Variants in POLA1 observed in about 807,000 individuals in gnomAD.
The protein encoded by POLA1 is DNA polymerase alpha catalytic subunit.
Under a neutral mutation model 124.0 loss-of-function variants are expected in POLA1, and 15 were observed. The ratio of observed to expected loss-of-function variants is 0.12; its 90% confidence interval spans 0.08 to 0.19. The LOEUF is 0.19. Ranked by LOEUF, POLA1 falls within the 10% of genes least tolerant of loss-of-function variation. The pLI, the probability that POLA1 is intolerant of heterozygous loss-of-function variation, is 1.00. For missense variants in POLA1, 886 were observed against 1,103.4 expected (o/e 0.80, Z 2.79); for synonymous variants, 408 against 389.4 (o/e 1.05, Z -0.56).
intron 34 of POLA1, among the ~76,000 whole-genome samples, chrX:24,856,641 G>A (rs961400373): frequency 1.8e-5 from 2 of 111,214 alleles, no homozygotes; most frequent in Non-Finnish European, 3.8e-5. Flanking sequence ...TTTACTGGGC[G>A]TGCTCACTGG....
At chrX:24,882,464 G>C (rs1321131908) in intron 34 of POLA1, among the ~76,000 whole-genome samples, 1 of 110,870 alleles carries the variant, frequency 9.0e-6, no homozygotes, top group East Asian at 2.8e-4. Context: ...TAGTTTTTCA[G>C]CCCTTGCTTC....
intron 36 of POLA1, among the ~76,000 whole-genome samples, chrX:24,974,769 A>G (rs951706240): frequency 6.3e-5 from 7 of 111,733 alleles, no homozygotes; most frequent in Non-Finnish European, 1.3e-4. Context: ...ATGTGTACCT[A>G]TGTAACAAAC....
In POLA1 at chrX:24,699,407, T is replaced by A. The variant is rs1305447590; in HGVS notation, c.44-18T>A. ...ACAATTTTGTAACATCTGTTGTAAA[T>A]TTTTTTTCTTTTTTCAGCTCTGTCA... On this transcript the variant is annotated intron_variant, in intron 1 of 36. Coordinates refer to ENST00000379068, the MANE Select transcript of POLA1 (RefSeq NM_001330360.2). 1 of 1,125,455 alleles carries A rather than the reference T, an allele frequency of 8.9e-7. No individual in the cohort carries two copies. Among genetic ancestry groups the A allele is most frequent in the Middle Eastern group, 2.6e-4 (1 of 3,877 alleles). The allele number at this position is 1,125,455 out of a possible 1,213,427, so 92.8% of individuals were successfully genotyped here.
chrX:24,735,363 A>G (rs775447134), intron 17 of POLA1, 36 bp from the exon 18 acceptor site: 1 of 869,005 alleles, frequency 1.2e-6, no homozygotes, highest in African/African-American at 2.0e-5. Flanking sequence ...CGGACAGTAA[A>G]GAGTCGTCAG....
intron 35 of POLA1, among the ~76,000 whole-genome samples, chrX:24,904,109 ATTTTAC>A (rs1470002026): frequency 4.6e-5 from 5 of 107,571 alleles, no homozygotes; most frequent in Non-Finnish European, 9.6e-5. Flanking sequence ...TAGTTTTTTT[ATTTTAC>A]TTTTAGTAAA....
chrX:24,749,053 A>T, intron 26 of POLA1, 61 bp downstream of exon 26: 1 of 938,887 alleles, frequency 1.1e-6, no homozygotes, highest in African/African-American at 1.9e-5. Flanking sequence ...TATACATGTT[A>T]TAGTGTGGGA....
intron 36 of POLA1, among the ~76,000 whole-genome samples, chrX:24,978,239 A>T (rs1330850144): frequency 9.0e-6 from 1 of 111,621 alleles, no homozygotes; most frequent in Non-Finnish European, 1.9e-5. Flanking sequence ...TTGTACTAGG[A>T]ATTCAATATT....
rs779674228 is a variant in POLA1, at chrX:24,852,457, C to G, written c.4047+8780C>G. Reference sequence around the variant, plus strand: ...TCCCAAGTAGCTAGGATTACAGGCGCGTGCCACCACCCTCAGCTAATTTTG... The same window carrying G: ...TCCCAAGTAGCTAGGATTACAGGCGGGTGCCACCACCCTCAGCTAATTTTG... On this transcript the variant is annotated intron_variant, in intron 34 of 36. Transcript: ENST00000379068. Among the ~76,000 whole-genome samples, 19 of 110,370 alleles carry G rather than the reference C, an allele frequency of 1.7e-4. No individual in the cohort carries two copies. In the South Asian group the frequency reaches 3.5e-3, roughly 20 times the overall value.
intron 10 of POLA1, among the ~76,000 whole-genome samples, chrX:24,718,968 G>C (rs1323839839): frequency 8.9e-6 from 1 of 112,131 alleles, no homozygotes; most frequent in Non-Finnish European, 1.9e-5. Context: ...CTCACAAAAA[G>C]CCCGGAGGCT....
intron 26 of POLA1, chrX:24,789,105 A>G: frequency 4.3e-6 from 5 of 1,157,060 alleles, no homozygotes; most frequent in Non-Finnish European, 5.9e-6. Context: ...GGAGCAGCAG[A>G]AAGAGCCCAC....
chrX:24,709,910 GC>G (rs2148330881), intron 4 of POLA1, among the ~76,000 whole-genome samples: 1 of 73,171 alleles, frequency 1.4e-5, no homozygotes, highest in Admixed American at 1.5e-4. Context: ...TCCAGACTGG[GC>G]AGCCAGGCAG....
chrX:24,982,069 C>CTT (rs201718904), intron 36 of POLA1, among the ~76,000 whole-genome samples: 1 of 105,023 alleles, frequency 9.5e-6, no homozygotes, highest in Non-Finnish European at 2.0e-5. Flanking sequence ...TCTCAGGTCC[C>CTT]TTTTTTTTTT....
chrX:24,702,287 T>C (rs1328330251), intron 2 of POLA1, among the ~76,000 whole-genome samples: 1 of 110,625 alleles, frequency 9.0e-6, no homozygotes, highest in African/African-American at 3.3e-5. Context: ...CAGGCTGGCC[T>C]CAAACTCCTG....
chrX:24,970,735 G>A (rs920005496), intron 36 of POLA1, among the ~76,000 whole-genome samples: 1 of 112,278 alleles, frequency 8.9e-6, no homozygotes, highest in African/African-American at 3.2e-5. Context: ...TTAAATATTG[G>A]TGTGTTTTTA....
intron 26 of POLA1, among the ~76,000 whole-genome samples, chrX:24,773,027 C>T (rs982109608): frequency 9.8e-5 from 11 of 111,870 alleles, no homozygotes; most frequent in Non-Finnish European, 2.1e-4. Flanking sequence ...GAAAGAACCT[C>T]CCTGATAAAA....
rs765330378 is a variant in POLA1, at chrX:24,895,761, T to A, written c.4164+7639T>A. Among the ~76,000 whole-genome samples the A allele has an allele frequency of 4.4e-5, 5 of 112,470 alleles. No homozygotes were observed. In the East Asian group the frequency reaches 1.4e-3, roughly 32 times the overall value. On this transcript the variant is annotated intron_variant, in intron 35 of 36. Coordinates refer to ENST00000379068, the MANE Select transcript of POLA1 (RefSeq NM_001330360.2). The stretch of plus-strand genomic sequence containing the variant: ...TGCAGTTCTTGGAGAAGATAAAAGA[T>A]CTCTCTTTTGTCTTCTCCAAAGTAT...
In POLA1 at chrX:24,952,897, G is replaced by A. The variant is rs753235800; in HGVS notation, c.4261+22348G>A. On this transcript the variant is annotated intron_variant, in intron 36 of 36. Coordinates refer to ENST00000379068, the MANE Select transcript of POLA1 (RefSeq NM_001330360.2). ...TTCCAGGGTGATGTGGTGATACAGT[G>A]AGTGCTGATTCATTCATATTTTTGT... Among the ~76,000 whole-genome samples the A allele has an allele frequency of 3.6e-5, 4 of 112,157 alleles. No individual in the cohort carries two copies. The South Asian group carries it at 1.5e-3, about 42-fold the overall frequency.
chrX:24,917,776 A>G (rs1034737816), intron 35 of POLA1, among the ~76,000 whole-genome samples: 1 of 112,071 alleles, frequency 8.9e-6, no homozygotes, highest in African/African-American at 3.2e-5. Context: ...GAACAGGATA[A>G]TGGCCAAATG....
chrX:24,978,308 T>A (rs1237102901), intron 36 of POLA1, among the ~76,000 whole-genome samples: 1 of 112,110 alleles, frequency 8.9e-6, no homozygotes, highest in East Asian at 2.8e-4. Context: ...CACTTCTGTG[T>A]GTACTATCCT....
Sources: gnomAD v4.1 joint callset for allele counts (sites outside exome capture counted in the v4.1 genomes callset) on GRCh38, gnomAD v4.1.1 for gene constraint, MANE v1.5 for transcripts, NCBI Gene and HGNC (gene_info 2026-07-23, HGNC 2026-07-21) for gene names.